REEP3: variants seen among roughly 807,000 people sequenced by gnomAD.
REEP3 encodes the protein receptor expression-enhancing protein 3.
Under a neutral mutation model 41.3 loss-of-function variants are expected in REEP3, and 20 were observed. The observed-to-expected ratio is 0.48, with a 90% CI of 0.34 to 0.70. The LOEUF is 0.70. Ranked by LOEUF, REEP3 falls within the 30% of genes least tolerant of loss-of-function variation. The pLI is 0.01. For synonymous variants in REEP3, 104 were observed against 101.8 expected, an observed-to-expected ratio of 1.02 and a Z score of -0.13; for missense variants, 271 against 308.8, an observed-to-expected ratio of 0.88 and a Z score of 0.92.
rs1564477656 is a variant in REEP3, at chr10:63,556,633, TG to T, written c.33-9704del. On this transcript the variant is annotated intron_variant, in intron 1 of 7. Coordinates refer to ENST00000373758, the MANE Select transcript of REEP3 (RefSeq NM_001001330.3). ...TTGCTTGTTTTTTTTTTTGTTGTTT[TG>T]TTTTTTTTTTTTTTTTTTTGAGACG... Among the ~76,000 whole-genome samples the T allele has an allele frequency of 2.3e-3, 90 of 39,680 alleles. 1 individual carries two copies. The highest frequency in any genetic ancestry group is 4.4e-3 in the African/African-American group (61 of 13,840). The allele number at this position is 39,680 out of a possible 152,430, so 26.0% of individuals were successfully genotyped here.
intron 1 of REEP3, among the ~76,000 whole-genome samples, chr10:63,539,925 ATAG>A (rs1444276002): frequency 6.6e-6 from 1 of 152,220 alleles, no homozygotes; most frequent in Non-Finnish European, 1.5e-5. Flanking sequence ...TTTTTGAGAA[ATAG>A]TAGTGTAGTG....
chr10:63,535,986 A>G (rs1955470435), intron 1 of REEP3, among the ~76,000 whole-genome samples: 1 of 152,190 alleles, frequency 6.6e-6, no homozygotes, highest in Non-Finnish European at 1.5e-5. Flanking sequence ...ATTTGTCTAC[A>G]TGTTTTATAG....
chr10:63,592,371 T>C (rs1956072076), intron 2 of REEP3, among the ~76,000 whole-genome samples: 1 of 152,068 alleles, frequency 6.6e-6, no homozygotes, highest in Admixed American at 6.5e-5. Context: ...TCCCCAAGAG[T>C]CTAGGGCAGT....
chr10:63,621,421 A>G lies in REEP3; in HGVS notation c.*552A>G, dbSNP rs1222967714. The G allele has an allele frequency of 6.5e-6, 1 of 152,672 alleles. No homozygotes were observed. Among genetic ancestry groups the G allele is most frequent in the East Asian group, 1.9e-4 (1 of 5,206 alleles). 9.5% of individuals were successfully genotyped at this position (152,672 alleles called of 1,614,324 possible). A position where few individuals can be genotyped will look rare whatever the true frequency, so the allele number is the denominator to read the frequency against. On this transcript the variant is annotated 3_prime_UTR_variant, in exon 8 of 8. Transcript: ENST00000373758. Reference sequence around the variant, plus strand: ...TGAAACAAATATTTGAAAACCAGGTATCCACACATAGCACTTTTATTCCTG... The same window carrying G: ...TGAAACAAATATTTGAAAACCAGGTGTCCACACATAGCACTTTTATTCCTG...
At chr10:63,588,856 A>G (rs1956031705) in intron 2 of REEP3, among the ~76,000 whole-genome samples, 1 of 152,234 alleles carries the variant, frequency 6.6e-6, no homozygotes, top group Non-Finnish European at 1.5e-5. Context: ...GACCTGAAGC[A>G]AGTGAGCAAG....
intron 1 of REEP3, among the ~76,000 whole-genome samples, chr10:63,564,237 G>T (rs4746203): frequency 0.47 from 70,781 of 151,926 alleles, 16,788 homozygotes; most frequent in Middle Eastern, 0.55. Flanking sequence ...AATGGCCATT[G>T]AAAACAACAG....
chr10:63,589,898 G>A (rs138551842), intron 2 of REEP3, among the ~76,000 whole-genome samples: 2,653 of 141,494 alleles, frequency 0.019, 261 homozygotes, highest in Admixed American at 0.17. Context: ...GGGTTCAAGC[G>A]ATTCTCCTGC....
chr10:63,558,653 G>T (rs1030180707), intron 1 of REEP3, among the ~76,000 whole-genome samples: 2 of 152,096 alleles, frequency 1.3e-5, no homozygotes, highest in Non-Finnish European at 2.9e-5. Flanking sequence ...GCCAGGCATG[G>T]TGGCACTTGA....
At chr10:63,595,829 C>T (rs1269596645) in intron 3 of REEP3, among the ~76,000 whole-genome samples, 3 of 152,212 alleles carry the variant, frequency 2.0e-5, no homozygotes, top group Admixed American at 6.5e-5. Context: ...CTGCCTGCCT[C>T]GGTCTCCCGA....
intron 1 of REEP3, among the ~76,000 whole-genome samples, chr10:63,531,303 C>A (rs1191759444): frequency 6.6e-6 from 1 of 152,162 alleles, no homozygotes; most frequent in Non-Finnish European, 1.5e-5. Flanking sequence ...GTTTCTTAAC[C>A]TCAGCATTAT....
chr10:63,608,827 A>G (rs138614057), intron 5 of REEP3, among the ~76,000 whole-genome samples: 23 of 152,358 alleles, frequency 1.5e-4, no homozygotes, highest in African/African-American at 5.1e-4. Flanking sequence ...GCACTATCCA[A>G]TACAGTAGCC....
intron 1 of REEP3, among the ~76,000 whole-genome samples, chr10:63,537,790 A>G (rs1453051975): frequency 6.6e-6 from 1 of 152,202 alleles, no homozygotes; most frequent in Non-Finnish European, 1.5e-5. Flanking sequence ...GTATGTGAAC[A>G]GAAGGCCAGA....
intron 1 of REEP3, among the ~76,000 whole-genome samples, chr10:63,558,904 TTTTG>T (rs1289503533): frequency 2.0e-5 from 3 of 152,168 alleles, no homozygotes; most frequent in African/African-American, 7.2e-5. Flanking sequence ...CTCTAGTTTA[TTTTG>T]TTTGTTTAAT....
chr10:63,612,201 G>C (rs566893078), intron 6 of REEP3, among the ~76,000 whole-genome samples: 1 of 151,774 alleles, frequency 6.6e-6, no homozygotes, highest in African/African-American at 2.4e-5. Flanking sequence ...TTGAGACAGG[G>C]TCTCACTCTG....
intron 2 of REEP3, among the ~76,000 whole-genome samples, chr10:63,581,942 G>A (rs776586170): frequency 2.6e-5 from 4 of 151,172 alleles, no homozygotes; most frequent in Non-Finnish European, 4.4e-5. Context: ...GAAACTAAGG[G>A]TACATTTTAA....
intron 1 of REEP3, among the ~76,000 whole-genome samples, chr10:63,534,517 T>C (rs2893925): frequency 0.14 from 21,760 of 152,234 alleles, 3,661 homozygotes; most frequent in African/African-American, 0.41. Flanking sequence ...CCCAAAGTGA[T>C]GGAATTACAG....
At chr10:63,606,199 C>G (rs79174007) in intron 5 of REEP3, 10 of 486,000 alleles carry the variant, frequency 2.1e-5, no homozygotes, top group African/African-American at 1.7e-4. Context: ...ATGGTAATCC[C>G]GCCTTTCCTC....
Position 63,594,844 on chromosome 10 carries a change from A to G in REEP3, c.172A>G (p.Thr58Ala). Reference protein sequence around the residue: ...YTVIETVADQTVAWFPLYYEL... With the variant: ...YTVIETVADQAVAWFPLYYEL... ...TGTGATTGAAACAGTAGCCGATCAA[A>G]CAGTTGCTTGGTAAGTTTTACTATT... Residue 58 changes from threonine (T) to alanine (A), a missense_variant, in exon 3 of 8, where the codon ACA becomes GCA. Transcript: ENST00000373758. 1 of 1,609,588 alleles carries G rather than the reference A, an allele frequency of 6.2e-7. No individual in the cohort carries two copies. The highest frequency in any genetic ancestry group is 8.5e-7 in the Non-Finnish European group (1 of 1,175,930).
intron 2 of REEP3, among the ~76,000 whole-genome samples, chr10:63,581,416 T>C (rs1200275358): frequency 2.0e-5 from 3 of 152,170 alleles, no homozygotes; most frequent in Non-Finnish European, 4.4e-5. Flanking sequence ...TTAAAATGCA[T>C]TGAAATGTAT....
Sources: gnomAD v4.1 joint callset for allele counts (sites outside exome capture counted in the v4.1 genomes callset) on GRCh38, gnomAD v4.1.1 for gene constraint, MANE v1.5 for transcripts, NCBI Gene and HGNC (gene_info 2026-07-23, HGNC 2026-07-21) for gene names.